EPM2A: variants seen among roughly 807,000 people sequenced by gnomAD.
The protein encoded by EPM2A is EPM2A glucan phosphatase, laforin.
In EPM2A, 21 loss-of-function variants were observed where a neutral mutation model predicts 26.5. That is an observed-to-expected ratio of 0.79 (90% CI 0.56 to 1.14). The LOEUF (loss-of-function observed/expected upper bound fraction) is 1.14. Among genes scored for constraint, EPM2A ranks in the 50% most tolerant of loss-of-function variants. EPM2A has a pLI of 0.00. For synonymous variants in EPM2A, 217 were observed against 177.6 expected (o/e 1.22, Z -1.76); for missense variants, 458 against 440.8 (o/e 1.04, Z -0.35).
intron 3 of EPM2A, chr6:145,632,430 T>A (rs1289921376): frequency 6.6e-6 from 1 of 152,216 alleles, no homozygotes. Context: ...AAAGAAAATT[T>A]TAACGAGCAG....
At chr6:145,468,029 AT>A (rs1397201465) in intron 4 of EPM2A, among the ~76,000 whole-genome samples, 1 of 152,018 alleles carries the variant, frequency 6.6e-6, no homozygotes, top group African/African-American at 2.4e-5. Context: ...TAATCCATAT[AT>A]TTTGGATATA....
chr6:145,727,524 C>T (rs939485400), intron 1 of EPM2A, among the ~76,000 whole-genome samples: 1 of 151,948 alleles, frequency 6.6e-6, no homozygotes, highest in African/African-American at 2.4e-5. Flanking sequence ...AAAAAACCTC[C>T]GTTTCTGTTC....
At chr6:145,670,888 A>G (rs1346888163) in intron 2 of EPM2A, 1 of 985,070 alleles carries the variant, frequency 1.0e-6, no homozygotes, top group African/African-American at 1.7e-5. Context: ...CGCCCAGTTA[A>G]TACTCAATAA....
At chr6:145,439,040 A>G (rs569009697) in intron 4 of EPM2A, among the ~76,000 whole-genome samples, 39 of 152,004 alleles carry the variant, frequency 2.6e-4, no homozygotes, top group Admixed American at 4.6e-4. Context: ...TTTAGCTCCC[A>G]CTTACAAGTG....
At chr6:145,627,993 C>T (rs987307108) in intron 3 of EPM2A, 1 of 392,856 alleles carries the variant, frequency 2.5e-6, no homozygotes, top group African/African-American at 2.0e-5. Flanking sequence ...AGTGACCTAT[C>T]GCCTGTCATC....
At chr6:145,681,935 C>A (rs568439360) in intron 2 of EPM2A, among the ~76,000 whole-genome samples, 39 of 152,200 alleles carry the variant, frequency 2.6e-4, no homozygotes, top group Non-Finnish European at 5.1e-4. Context: ...TGTAAAGTAC[C>A]TCTTTTTACT....
At chr6:145,506,238 A>G (rs1582808160) in intron 2 of EPM2A, among the ~76,000 whole-genome samples, 1 of 152,366 alleles carries the variant, frequency 6.6e-6, no homozygotes, top group Middle Eastern at 3.4e-3. Flanking sequence ...AACTCCACGT[A>G]GTATGAAGAA....
chr6:145,465,098 A>G (rs1779371623), intron 4 of EPM2A, among the ~76,000 whole-genome samples: 1 of 151,910 alleles, frequency 6.6e-6, no homozygotes, highest in African/African-American at 2.4e-5. Flanking sequence ...TCTCCCCGTC[A>G]CTTTCAGGTA....
intron 4 of EPM2A, among the ~76,000 whole-genome samples, chr6:145,435,595 A>T (rs1033901078): frequency 1.3e-5 from 2 of 151,726 alleles, no homozygotes; most frequent in Non-Finnish European, 1.5e-5. Context: ...TATTTTTTTT[A>T]ATTATACTTT....
At chr6:145,657,089 CTTTTTT>C (rs5880652) in intron 2 of EPM2A, among the ~76,000 whole-genome samples, 1 of 121,826 alleles carries the variant, frequency 8.2e-6, no homozygotes, top group Non-Finnish European at 1.7e-5. Context: ...GTCATTTTTC[CTTTTTT>C]TTTTTTTTTT....
chr6:145,508,690 G>T (rs1562363146), intron 2 of EPM2A, among the ~76,000 whole-genome samples: 1 of 152,192 alleles, frequency 6.6e-6, no homozygotes. Flanking sequence ...CAAAAATCCA[G>T]AGTGTTTTTT....
At chr6:145,609,910 A>G (rs1775354351) in intron 2 of EPM2A, among the ~76,000 whole-genome samples, 1 of 152,180 alleles carries the variant, frequency 6.6e-6, no homozygotes, top group Non-Finnish European at 1.5e-5. Flanking sequence ...TCATCCATTT[A>G]TCAATCCTTT....
chr6:145,690,521 G>GAAAA (rs145052340), intron 1 of EPM2A, among the ~76,000 whole-genome samples: 12 of 87,012 alleles, frequency 1.4e-4, no homozygotes, highest in African/African-American at 1.7e-4. Flanking sequence ...CGTCTCAAAA[G>GAAAA]AAAAAAAAAA....
At chr6:145,484,992 T>A (rs372262727) in intron 4 of EPM2A, among the ~76,000 whole-genome samples, 4 of 39,818 alleles carry the variant, frequency 1.0e-4, no homozygotes, top group Non-Finnish European at 2.2e-4. Context: ...GACATTAAAA[T>A]ATATATATAT....
chr6:145,472,999 A>C (rs6907972), intron 4 of EPM2A, among the ~76,000 whole-genome samples: 8,828 of 152,142 alleles, frequency 0.058, 832 homozygotes, highest in African/African-American at 0.2. Context: ...ACTGAAGAAC[A>C]TCTAGTAGCA....
chr6:145,627,394 G>A lies in EPM2A; in HGVS notation c.*22C>T, dbSNP rs1256385215. ...CCAGGCTCCTTAGGGAAATCAGGAG[G>A]GGGCAGAAGCAGGCTGACCAGCTAC... On this transcript the variant is annotated 3_prime_UTR_variant, in exon 4 of 4. Transcript: ENST00000367519. The A allele has an allele frequency of 1.5e-5, 24 of 1,613,612 alleles. No individual in the cohort carries two copies. Among genetic ancestry groups the A allele is most frequent in the Non-Finnish European group, 2.0e-5 (24 of 1,180,042 alleles).
intron 4 of EPM2A, among the ~76,000 whole-genome samples, chr6:145,437,891 A>G (rs560957944): frequency 2.5e-4 from 38 of 152,366 alleles, no homozygotes; most frequent in Admixed American, 4.6e-4. Context: ...TGGAATTTTA[A>G]GTAATTTTAA....
intron 4 of EPM2A, among the ~76,000 whole-genome samples, chr6:145,407,445 T>A (rs1396646): frequency 0.24 from 36,594 of 151,874 alleles, 5,369 homozygotes; most frequent in Non-Finnish European, 0.33. Flanking sequence ...AGGGTTATCT[T>A]GTCTCATTGA....
At chr6:145,675,631 C>T (rs776635646) in intron 2 of EPM2A, among the ~76,000 whole-genome samples, 1 of 152,100 alleles carries the variant, frequency 6.6e-6, no homozygotes, top group Admixed American at 6.5e-5. Flanking sequence ...GCAGGGGTTG[C>T]AATCCTAGTC....
Sources: allele counts gnomAD v4.1 joint callset (sites outside exome capture counted in the v4.1 genomes callset), GRCh38; gene constraint gnomAD v4.1.1; transcripts MANE v1.5; gene names NCBI Gene and HGNC (gene_info 2026-07-23, HGNC 2026-07-21).